Variants in HIF1A observed in about 807,000 individuals in gnomAD.
HIF1A encodes the protein hypoxia-inducible factor 1-alpha.
HIF1A carries 24 observed loss-of-function variants against 92.7 expected under a neutral mutation model. The observed-to-expected ratio is 0.26, with a 90% CI of 0.19 to 0.36. The LOEUF is 0.36. Ranked by LOEUF, HIF1A falls within the 10% of genes least tolerant of loss-of-function variation. The pLI, the probability that HIF1A is intolerant of heterozygous loss-of-function variation, is 1.00. For missense variants in HIF1A, 799 were observed against 998.5 expected, an observed-to-expected ratio of 0.80 and a Z score of 2.69; for synonymous variants, 319 against 338.7, an observed-to-expected ratio of 0.94 and a Z score of 0.64.
intron 2 of HIF1A, among the ~76,000 whole-genome samples, chr14:61,720,944 T>TA (rs1290401249): frequency 6.6e-6 from 1 of 152,124 alleles, no homozygotes; most frequent in Non-Finnish European, 1.5e-5. Context: ...TTTCTTCCTT[T>TA]AAAAAACATG....
Position 61,695,713 on chromosome 14 carries a change from T to C in HIF1A, c.-92T>C. ...CCCCCACCTCTGGACTTGCCTTTCC[T>C]TCTCTTCTCCGCGTGTGGAGGGAGC... On this transcript the variant is annotated 5_prime_UTR_variant, in exon 1 of 15. Transcript: ENST00000337138. 1 of 1,411,562 alleles carries C rather than the reference T, an allele frequency of 7.1e-7. No individual in the cohort carries two copies. The highest frequency in any genetic ancestry group is 1.4e-5 in the African/African-American group (1 of 70,106). The allele number at this position is 1,411,562 out of a possible 1,614,324, so 87.4% of individuals were successfully genotyped here. A position where few individuals can be genotyped will look rare whatever the true frequency, so the allele number is the denominator to read the frequency against.
intron 1 of HIF1A, among the ~76,000 whole-genome samples, chr14:61,718,732 C>T (rs1023270726): frequency 6.6e-6 from 1 of 152,110 alleles, no homozygotes; most frequent in African/African-American, 2.4e-5. Flanking sequence ...GTTCATATAA[C>T]TAGTTATAGT....
intron 7 of HIF1A, among the ~76,000 whole-genome samples, chr14:61,733,827 T>C (rs112818821): frequency 2.6e-5 from 4 of 152,226 alleles, no homozygotes; most frequent in African/African-American, 9.6e-5. Flanking sequence ...AAAAGGCTAT[T>C]GATTATTCTC....
intron 1 of HIF1A, among the ~76,000 whole-genome samples, chr14:61,700,134 G>A (rs2044162280): frequency 6.6e-6 from 1 of 151,728 alleles, no homozygotes; most frequent in African/African-American, 2.4e-5. Context: ...TTTTCTTATA[G>A]CTTTTGATTG....
Position 61,747,947 on chromosome 14 carries a change from T to C in HIF1A, c.*862T>C, listed in dbSNP as rs2044814816. On this transcript the variant is annotated 3_prime_UTR_variant, in exon 15 of 15. Coordinates refer to ENST00000337138, the MANE Select transcript of HIF1A (RefSeq NM_001530.4). ...TGCCTACCCTGTTGGTATAAAGATA[T>C]TTTGAGCAGACTGTAAACAAGAAAA... 6.6e-6 allele frequency: 1 copy of C among 152,540 alleles called. No homozygotes were observed. The highest frequency in any genetic ancestry group is 2.4e-5 in the African/African-American group (1 of 41,446). The allele number at this position is 152,540 out of a possible 1,614,324, so 9.4% of individuals were successfully genotyped here.
intron 4 of HIF1A, 127 bp from the exon 5 acceptor site, chr14:61,726,579 C>T: frequency 1.8e-6 from 1 of 566,856 alleles, no homozygotes; most frequent in Non-Finnish European, 3.2e-6. Context: ...GAATGAATTA[C>T]TGTGTTCATG....
chr14:61,743,126 G>A (rs2044734170), intron 12 of HIF1A, among the ~76,000 whole-genome samples: 1 of 152,162 alleles, frequency 6.6e-6, no homozygotes, highest in Admixed American at 6.5e-5. Context: ...GTGCAATGGC[G>A]TGATCTCGGA....
At chr14:61,731,619 ATGGCTAT>A (rs2044576732) in intron 6 of HIF1A, among the ~76,000 whole-genome samples, 1 of 152,190 alleles carries the variant, frequency 6.6e-6, no homozygotes, top group Admixed American at 6.5e-5. Flanking sequence ...GAATTGTGTA[ATGGCTAT>A]TGATCTCTCA....
chr14:61,743,710 A>G (rs1299782426), intron 12 of HIF1A, among the ~76,000 whole-genome samples: 1 of 152,242 alleles, frequency 6.6e-6, no homozygotes, highest in Non-Finnish European at 1.5e-5. Flanking sequence ...TGTCTTGAAA[A>G]GTCAAAATAA....
chr14:61,737,203 A>G, intron 9 of HIF1A, 94 bp downstream of exon 9: 2 of 796,838 alleles, frequency 2.5e-6, no homozygotes, highest in Non-Finnish European at 4.1e-6. Context: ...GTTGGTAATC[A>G]TTTGGACATT....
At chr14:61,707,607 T>A (rs1368854894) in intron 1 of HIF1A, among the ~76,000 whole-genome samples, 1 of 151,908 alleles carries the variant, frequency 6.6e-6, no homozygotes, top group East Asian at 1.9e-4. Context: ...GTTTCCGGCT[T>A]CATCCATGTC....
At position 61,717,760 on chromosome 14, in the gene HIF1A, G is replaced by A. The variant is rs150515287; in HGVS notation, c.36-2622G>A. Among the ~76,000 whole-genome samples the A allele has an allele frequency of 9.1e-3, 1,389 of 152,202 alleles. 11 individuals are homozygous for A. The highest frequency in any genetic ancestry group is 0.014 in the Middle Eastern group (4 of 294). The stretch of plus-strand genomic sequence containing the variant: ...ATACCCTTTAAAAGCATATACTCGC[G>A]CCTGTAATCCCAGCACTTTGGGAGG... On this transcript the variant is annotated intron_variant, in intron 1 of 14. Transcript: ENST00000337138.
At position 61,720,390 on chromosome 14, in the gene HIF1A, C is replaced by T. The variant is rs374224409; in HGVS notation, c.44C>T (p.Ser15Phe). The T allele has an allele frequency of 1.2e-6, 2 of 1,610,308 alleles. No individual in the cohort carries two copies. The highest frequency in any genetic ancestry group is 2.7e-5 in the African/African-American group (2 of 74,692). Residue 15 changes from serine (S) to phenylalanine (F), a missense_variant, in exon 2 of 15, where the codon TCT (serine) becomes TTT (phenylalanine). Coordinates refer to ENST00000337138, the MANE Select transcript of HIF1A (RefSeq NM_001530.4). ...TTGTTGTTGTTAAGTAGGATAAGTT[C>T]TGAACGTCGAAAAGAAAAGTCTCGA... ...GGANDKKKIS[S>F]ERRKEKSRDA...
intron 1 of HIF1A, among the ~76,000 whole-genome samples, chr14:61,696,108 C>T (rs2044112504): frequency 6.6e-6 from 1 of 152,136 alleles, no homozygotes; most frequent in Admixed American, 6.5e-5. Flanking sequence ...CCCCGCCGGC[C>T]GTGGGGGCCT....
At chr14:61,715,183 C>T (rs1465794377) in intron 1 of HIF1A, among the ~76,000 whole-genome samples, 5 of 152,162 alleles carry the variant, frequency 3.3e-5, no homozygotes, top group South Asian at 2.1e-4. Context: ...TTGACTCTTT[C>T]GCCATAATGA....
chr14:61,711,555 C>T (rs1443787639), intron 1 of HIF1A, among the ~76,000 whole-genome samples: 1 of 152,192 alleles, frequency 6.6e-6, no homozygotes, highest in Non-Finnish European at 1.5e-5. Flanking sequence ...ACCTCTAAAT[C>T]TCTTTCCTGG....
Position 61,720,507 on chromosome 14 carries a change from T to C in HIF1A, c.161T>C (p.Leu54Pro). The C allele has an allele frequency of 6.2e-7, 1 of 1,613,672 alleles. No individual in the cohort carries two copies. The highest frequency in any genetic ancestry group is 8.5e-7 in the Non-Finnish European group (1 of 1,179,778). ...CTTCCACATAATGTGAGTTCGCATC[T>C]TGATAAGGCCTCTGTGATGAGGCTT... Reference protein sequence around the residue: ...LPLPHNVSSHLDKASVMRLTI... With the variant: ...LPLPHNVSSHPDKASVMRLTI... Residue 54 changes from leucine to proline, a missense_variant, in exon 2 of 15, where the codon CTT (leucine) becomes CCT (proline). Leu to Pro is a moderately conservative substitution (Grantham distance 98). Around this residue, in one of 2 missense-constraint regions of HIF1A, gnomAD observed 516 missense variants for 721.0 expected, o/e 0.72. Transcript: ENST00000337138.
At chr14:61,697,356 T>C (rs1486702876) in intron 1 of HIF1A, among the ~76,000 whole-genome samples, 1 of 152,216 alleles carries the variant, frequency 6.6e-6, no homozygotes, top group Non-Finnish European at 1.5e-5. Flanking sequence ...ATAAAGCTGC[T>C]ATATTGTAAA....
intron 14 of HIF1A, among the ~76,000 whole-genome samples, chr14:61,746,397 T>C (rs74615799): frequency 0.021 from 165 of 7,806 alleles, 9 homozygotes; most frequent in Non-Finnish European, 0.046. Flanking sequence ...GACTTCTTTT[T>C]TTTTTTTTTT....
Sources: gnomAD v4.1 joint callset for allele counts (sites outside exome capture counted in the v4.1 genomes callset) on GRCh38, gnomAD v4.1.1 for gene constraint, gnomAD v4.1.1 regional missense constraint, MANE v1.5 for transcripts, NCBI Gene and HGNC (gene_info 2026-07-23, HGNC 2026-07-21) for gene names.